Variants in ARHGEF10L observed in about 807,000 individuals in gnomAD.
ARHGEF10L encodes Rho guanine nucleotide exchange factor 10 like, also known as rho guanine nucleotide exchange factor 10-like protein.
In ARHGEF10L, 69 loss-of-function variants were observed where a neutral mutation model predicts 141.2. The observed-to-expected ratio is 0.49, with a 90% CI of 0.40 to 0.60. ARHGEF10L has a LOEUF of 0.60. Among genes scored for constraint, ARHGEF10L ranks in the 20% least tolerant of loss-of-function variants. ARHGEF10L has a pLI of 0.00. For missense variants in ARHGEF10L, 1,482 were observed against 1,734.3 expected (o/e 0.85, Z 2.58); for synonymous variants, 711 against 718.5 (o/e 0.99, Z 0.17).
chr1:17,651,445 C>T (rs1449901517), intron 22 of ARHGEF10L, among the ~76,000 whole-genome samples: 3 of 152,176 alleles, frequency 2.0e-5, no homozygotes, highest in Non-Finnish European at 4.4e-5. Context: ...CTGCAGAAGG[C>T]TGGCCCTGGG....
intron 1 of ARHGEF10L, among the ~76,000 whole-genome samples, chr1:17,547,350 C>T (rs917565456): frequency 1.3e-5 from 2 of 152,202 alleles, no homozygotes; most frequent in Non-Finnish European, 2.9e-5. Flanking sequence ...GCATGTTGGG[C>T]CCAAGATGAG....
At chr1:17,609,233 C>T (rs759182901) in intron 7 of ARHGEF10L, among the ~76,000 whole-genome samples, 5 of 152,182 alleles carry the variant, frequency 3.3e-5, no homozygotes, top group African/African-American at 4.8e-5. Context: ...GCATGCTGGC[C>T]GGAGGAACAC....
Position 17,613,194 on chromosome 1 carries a change from T to G in ARHGEF10L, c.726+20T>G. The G allele has an allele frequency of 6.3e-7, 1 of 1,587,680 alleles. No homozygotes were observed. Among genetic ancestry groups the G allele is most frequent in the Non-Finnish European group, 8.6e-7 (1 of 1,157,156 alleles). ...TGTAAGGTATTGTCTGTCTGTCCCC[T>G]CAAGCCCTGGATGGGGGCTGTTTCC... On this transcript the variant is annotated intron_variant, in intron 8 of 28. Coordinates refer to ENST00000361221, the MANE Select transcript of ARHGEF10L (RefSeq NM_018125.4).
Position 17,685,071 on chromosome 1 carries a change from G to C in ARHGEF10L, c.3010-2502G>C, listed in dbSNP as rs78994577. Among the ~76,000 whole-genome samples the C allele has an allele frequency of 3.4e-3, 523 of 152,290 alleles. 5 individuals carry two copies. Among genetic ancestry groups the C allele is most frequent in the African/African-American group, 0.012 (512 of 41,560 alleles). On this transcript the variant is annotated intron_variant, in intron 26 of 28. Transcript: ENST00000361221. Reference sequence around the variant, plus strand: ...TTAACTCAGTGGGAAACCGCTTAGTGATTTGAGCTGGGAAGGAGCTGGGGC... The same window carrying C: ...TTAACTCAGTGGGAAACCGCTTAGTCATTTGAGCTGGGAAGGAGCTGGGGC...
the ARHGEF10L span, among the ~76,000 whole-genome samples, chr1:17,527,061 T>C: frequency 6.6e-6 from 1 of 152,218 alleles, no homozygotes; most frequent in African/African-American, 2.4e-5. Context: ...TTCTTCATTT[T>C]CTTGAAAAGT....
At chr1:17,661,820 C>A (rs1191762636) in intron 25 of ARHGEF10L, among the ~76,000 whole-genome samples, 1 of 152,254 alleles carries the variant, frequency 6.6e-6, no homozygotes, top group Non-Finnish European at 1.5e-5. Context: ...GCATCCCTGG[C>A]GGAGCCCTGG....
Position 17,624,374 on chromosome 1 carries a change from T to G in ARHGEF10L, c.1201-13T>G. On this transcript the variant is annotated splice_polypyrimidine_tract_variant and intron_variant, in intron 12 of 28. Transcript: ENST00000361221. Reference sequence around the variant, plus strand: ...TGAGGCGGTCTCCCTGGCCCACACCTGCCTTGTTTCAGTTTTCCAAGTCCA... The same window carrying G: ...TGAGGCGGTCTCCCTGGCCCACACCGGCCTTGTTTCAGTTTTCCAAGTCCA... 2 of 1,608,800 alleles carry G rather than the reference T, an allele frequency of 1.2e-6. No homozygotes were observed. Among genetic ancestry groups the G allele is most frequent in the Non-Finnish European group, 1.7e-6 (2 of 1,175,330 alleles).
chr1:17,686,106 C>T (rs74061950), intron 26 of ARHGEF10L, among the ~76,000 whole-genome samples: 3,320 of 99,250 alleles, frequency 0.033, 117 homozygotes, highest in African/African-American at 0.12. Flanking sequence ...TTCTTTCTTT[C>T]TTTTTTTTTT....
chr1:17,665,814 A>T (rs1557979363), intron 26 of ARHGEF10L, among the ~76,000 whole-genome samples: 1 of 152,314 alleles, frequency 6.6e-6, no homozygotes, highest in East Asian at 1.9e-4. Flanking sequence ...GAGTCGGCTC[A>T]TGGGGTGATG....
chr1:17,599,643 C>G (rs1024070704), intron 4 of ARHGEF10L, among the ~76,000 whole-genome samples: 1 of 152,164 alleles, frequency 6.6e-6, no homozygotes, highest in Non-Finnish European at 1.5e-5. Flanking sequence ...CAGCCCATCA[C>G]CCACCTTCCT....
intron 9 of ARHGEF10L, among the ~76,000 whole-genome samples, chr1:17,617,950 TG>T (rs1206783404): frequency 6.6e-6 from 1 of 152,144 alleles, no homozygotes; most frequent in Non-Finnish European, 1.5e-5. Context: ...TTTCCCCTCT[TG>T]GGGCGGCAGA....
At position 17,687,756 on chromosome 1, in the gene ARHGEF10L, G is replaced by A. The variant is rs1051925290; in HGVS notation, c.3184+9G>A. On this transcript the variant is annotated intron_variant, in intron 27 of 28. Coordinates refer to ENST00000361221, the MANE Select transcript of ARHGEF10L (RefSeq NM_018125.4). ...CACCTTCCTCCTGCCAGGTGAGGCTGCCTCGGGCACGGGGGAGCGGACAGT... is the reference window on the plus strand; with the variant it reads ...CACCTTCCTCCTGCCAGGTGAGGCTACCTCGGGCACGGGGGAGCGGACAGT... The A allele has an allele frequency of 8.3e-6, 13 of 1,567,872 alleles. No homozygotes were observed. Among genetic ancestry groups the A allele is most frequent in the Non-Finnish European group, 9.5e-6 (11 of 1,155,154 alleles).
Position 17,648,702 on chromosome 1 carries a change from G to A in ARHGEF10L, c.2394+27G>A, listed in dbSNP as rs113208579. On this transcript the variant is annotated intron_variant, in intron 22 of 28. Coordinates refer to ENST00000361221, the MANE Select transcript of ARHGEF10L (RefSeq NM_018125.4). ...TGAGTGGAGCGGATCTTGCTGAGCC[G>A]ACCTCGAAGGTGGCTGCGGCTCCCC... 1.9e-3 allele frequency: 3,024 copies of A among 1,602,224 alleles called. 2 individuals are homozygous for A. The highest frequency in any genetic ancestry group is 2.1e-3 in the Non-Finnish European group (2,427 of 1,171,760).
In ARHGEF10L at chr1:17,588,481, T is replaced by C; in HGVS notation, c.257+2T>C. 6.2e-7 allele frequency: 1 copy of C among 1,613,830 alleles called. No homozygotes were observed. The highest frequency in any genetic ancestry group is 8.5e-7 in the Non-Finnish European group (1 of 1,179,882). On this transcript the variant is annotated splice_donor_variant, in intron 4 of 28. Coordinates refer to ENST00000361221, the MANE Select transcript of ARHGEF10L (RefSeq NM_018125.4). LOFTEE classifies it high-confidence loss of function. ...AGCAGCTGCTCCACCCGGCACAGGG[T>C]AAGTGAACCTTGCTCCTTTGCTTTG...
intron 4 of ARHGEF10L, among the ~76,000 whole-genome samples, chr1:17,595,450 G>T (rs1254256105): frequency 6.6e-6 from 1 of 152,040 alleles, no homozygotes; most frequent in African/African-American, 2.4e-5. Flanking sequence ...GCATGTGTGT[G>T]GGGGGCCACC....
At chr1:17,690,003 G>A (rs1362856734) in intron 27 of ARHGEF10L, 2 of 358,454 alleles carry the variant, frequency 5.6e-6, no homozygotes, top group Non-Finnish European at 1.1e-5. Context: ...AAGGAAGGAA[G>A]GGCATTCGTT....
rs911847415 is a variant in ARHGEF10L, at chr1:17,607,398, C to T, written c.434-404C>T. Among the ~76,000 whole-genome samples the T allele has an allele frequency of 2.6e-5, 4 of 152,108 alleles. No individual in the cohort carries two copies. Among genetic ancestry groups the T allele is most frequent in the African/African-American group, 9.7e-5 (4 of 41,408 alleles). On this transcript the variant is annotated intron_variant, in intron 6 of 28. Coordinates refer to ENST00000361221, the MANE Select transcript of ARHGEF10L (RefSeq NM_018125.4). The surrounding 1 kb of genome is among the most constrained non-coding windows in gnomAD (Gnocchi z 4.5). ...GCTGAGATAGGAGGATCTCTTGAGC[C>T]CAGGAGTTTGAGGCCACAGTGAGCT... is the stretch of plus-strand genomic sequence containing the variant.
chr1:17,650,448 G>A (rs573529025), intron 22 of ARHGEF10L, among the ~76,000 whole-genome samples: 81 of 152,002 alleles, frequency 5.3e-4, no homozygotes, highest in African/African-American at 1.8e-3. Context: ...AGGACTGGAT[G>A]TCGGCTGGGT....
In ARHGEF10L at chr1:17,603,566, C is replaced by T. The variant is rs146947870; in HGVS notation, c.408C>T (p.Cys136=). 489 of 1,613,532 alleles carry T rather than the reference C, an allele frequency of 3.0e-4. No homozygotes were observed. Among genetic ancestry groups the T allele is most frequent in the Admixed American group, 6.3e-4 (38 of 59,968 alleles). Residue 136 remains cysteine (C), a synonymous_variant, in exon 6 of 29, where the codon TGC becomes TGT. Coordinates refer to ENST00000361221, the MANE Select transcript of ARHGEF10L (RefSeq NM_018125.4). This position sits in a 1 kb window ranked among gnomAD's most constrained non-coding sequence, Gnocchi z 4.8. ...ATGTGATTTATGACGACGTCCCCTG[C>T]GAGAGCCCAGATGCGCATCAGCCCG... ...EEDVIYDDVP[C]ESPDAHQPGA...
Sources: allele counts gnomAD v4.1 joint callset (sites outside exome capture counted in the v4.1 genomes callset), GRCh38; gene constraint gnomAD v4.1.1; non-coding constraint Gnocchi (gnomAD v3.1); transcripts MANE v1.5; gene names NCBI Gene and HGNC (gene_info 2026-07-23, HGNC 2026-07-21).